The following HK1 variants were observed in gnomAD, a reference collection of about 807,000 sequenced individuals.
The protein encoded by HK1 is hexokinase-1.
HK1 carries 28 observed loss-of-function variants against 91.6 expected under a neutral mutation model. That is an observed-to-expected ratio of 0.31 (90% CI 0.23 to 0.42). HK1 has a LOEUF of 0.42. Ranked by LOEUF, HK1 falls within the 10% of genes least tolerant of loss-of-function variation. The probability of loss-of-function intolerance (pLI) is 1.00; values close to 1 mark genes in which losing one functional copy is unlikely to be tolerated. For synonymous variants in HK1, 430 were observed against 468.1 expected (o/e 0.92, Z 1.05); for missense variants, 770 against 1,219.8 (o/e 0.63, Z 5.49).
chr10:69,329,112 C>G (rs941658844), intron 1 of HK1, among the ~76,000 whole-genome samples: 2 of 151,758 alleles, frequency 1.3e-5, no homozygotes, highest in Non-Finnish European at 2.9e-5. Flanking sequence ...TAATGCTGCT[C>G]TGAACATTTG....
At chr10:69,334,126 T>C (rs1240314365) in intron 1 of HK1, among the ~76,000 whole-genome samples, 2 of 151,712 alleles carry the variant, frequency 1.3e-5, no homozygotes, top group Non-Finnish European at 2.9e-5. Context: ...AAGAAAAAAA[T>C]GGGGATCCCA....
chr10:69,270,261 C>T (rs912748332), intron 1 of HK1, among the ~76,000 whole-genome samples: 1 of 152,130 alleles, frequency 6.6e-6, no homozygotes, highest in Non-Finnish European at 1.5e-5. Flanking sequence ...CAGCCACGCG[C>T]CACTGCACCC....
chr10:69,391,683 T>C lies in HK1; in HGVS notation c.2036-442T>C, dbSNP rs116327499. Among the ~76,000 whole-genome samples, 490 of 152,302 alleles carry C rather than the reference T, an allele frequency of 3.2e-3. 3 individuals are homozygous for C. The highest frequency in any genetic ancestry group is 0.011 in the African/African-American group (453 of 41,570). On this transcript the variant is annotated intron_variant, in intron 14 of 17. Transcript: ENST00000359426. ...AAATAAGTGAATATCTATGGTATGATAGAAGATAATCCCCTAATATTTTAT... is the reference window on the plus strand; with the variant it reads ...AAATAAGTGAATATCTATGGTATGACAGAAGATAATCCCCTAATATTTTAT...
intron 5 of HK1, among the ~76,000 whole-genome samples, chr10:69,308,728 G>T (rs112105841): frequency 0.02 from 3,033 of 152,150 alleles, 108 homozygotes; most frequent in African/African-American, 0.069. Context: ...CTTTTTCTGA[G>T]TATAAAACAA....
intron 15 of HK1, among the ~76,000 whole-genome samples, chr10:69,393,211 C>T (rs4746850): frequency 0.17 from 25,728 of 152,094 alleles, 2,348 homozygotes; most frequent in Non-Finnish European, 0.2. Context: ...GAACTCCCGA[C>T]CTCAGGTGAT....
At chr10:69,348,789 A>G (rs1261755711) in intron 2 of HK1, among the ~76,000 whole-genome samples, 1 of 151,476 alleles carries the variant, frequency 6.6e-6, no homozygotes, top group Non-Finnish European at 1.5e-5. Context: ...CAGCCTGGGC[A>G]ACAGAAACTC....
At chr10:69,315,917 T>A (rs745713955), upstream of HK1, 2 of 1,609,734 alleles carry the variant, frequency 1.2e-6, no homozygotes. Context: ...GCATCCCAGG[T>A]TCCTGCCCTG....
intron 2 of HK1, among the ~76,000 whole-genome samples, chr10:69,287,170 G>A (rs1376754742): frequency 1.3e-5 from 2 of 152,196 alleles, no homozygotes; most frequent in Non-Finnish European, 2.9e-5. Flanking sequence ...TTGACTTACA[G>A]TTCAGCATGG....
At chr10:69,368,680 C>G in intron 5 of HK1, 49 bp downstream of exon 5, 1 of 1,443,858 alleles carries the variant, frequency 6.9e-7, no homozygotes, top group East Asian at 2.3e-5. Flanking sequence ...GTGTGGGGAG[C>G]AGGGCTGCAT....
intron 17 of HK1, 36 bp downstream of exon 17, chr10:69,398,864 G>C (rs1307113322): frequency 1.3e-6 from 2 of 1,518,842 alleles, no homozygotes; most frequent in Non-Finnish European, 1.8e-6. Context: ...CGCAGAGCTT[G>C]CTGGGATCCC....
chr10:69,318,870 C>T lies in HK1; in HGVS notation c.-78C>T. ...AGGAGGAGGAGCCGCCGAGCAGCCG[C>T]CGGAGGACCACGGCTCGCCAGGGCT... On this transcript the variant is annotated 5_prime_UTR_variant, in exon 1 of 18. Transcript: ENST00000359426. 1.3e-6 allele frequency: 2 copies of T among 1,513,582 alleles called. No individual in the cohort carries two copies. Among genetic ancestry groups the T allele is most frequent in the South Asian group, 1.2e-5 (1 of 80,400 alleles). The allele number at this position is 1,513,582 out of a possible 1,614,324, so 93.8% of individuals were successfully genotyped here.
intron 2 of HK1, among the ~76,000 whole-genome samples, chr10:69,345,627 G>C (rs1391068700): frequency 6.6e-6 from 1 of 152,120 alleles, no homozygotes; most frequent in East Asian, 1.9e-4. Context: ...AAGGCTACCT[G>C]ATCCCTGCGA....
chr10:69,362,997 G>T lies in HK1; in HGVS notation c.376-1786G>T, dbSNP rs909907793. ...AAGTCCGACTTTAGAGCTGGCTTGG[G>T]GGGGATCTGGGGAAAGATGGGAACA... is the stretch of plus-strand genomic sequence containing the variant. On this transcript the variant is annotated intron_variant, in intron 3 of 17. Transcript: ENST00000359426. Among the ~76,000 whole-genome samples, 5 of 152,210 alleles carry T rather than the reference G, an allele frequency of 3.3e-5. No homozygotes were observed. In the East Asian group the frequency reaches 9.6e-4, roughly 29 times the overall value.
chr10:69,297,949 G>C (rs1428781406), intron 4 of HK1, among the ~76,000 whole-genome samples: 3 of 145,648 alleles, frequency 2.1e-5, no homozygotes, highest in African/African-American at 5.2e-5. Flanking sequence ...GGTGGCTCAC[G>C]CCTGTAATCC....
intron 2 of HK1, among the ~76,000 whole-genome samples, chr10:69,288,314 C>G (rs559094544): frequency 5.9e-5 from 9 of 152,250 alleles, no homozygotes; most frequent in African/African-American, 2.2e-4. Context: ...GAATGACAGG[C>G]TGCCAGAAAC....
intron 1 of HK1, among the ~76,000 whole-genome samples, chr10:69,276,815 A>G (rs1400713059): frequency 6.7e-6 from 1 of 149,822 alleles, no homozygotes; most frequent in Non-Finnish European, 1.5e-5. Flanking sequence ...ATTACATATA[A>G]TAGGATATTT....
intron 10 of HK1, 56 bp from the exon 11 acceptor site, chr10:69,384,277 G>T: frequency 6.2e-7 from 1 of 1,608,458 alleles, no homozygotes; most frequent in Non-Finnish European, 8.5e-7. Flanking sequence ...GGGGTTACTG[G>T]CTGCCAAGAG....
At chr10:69,312,774 G>A (rs567364824), upstream of HK1, among the ~76,000 whole-genome samples, 3 of 152,284 alleles carry the variant, frequency 2.0e-5, no homozygotes, top group South Asian at 6.2e-4. Flanking sequence ...ACGGGAAGGG[G>A]AAGGGAAAAA....
At chr10:69,316,092 T>C (rs1589470919), upstream of HK1, 2 of 1,174,392 alleles carry the variant, frequency 1.7e-6, no homozygotes, top group East Asian at 4.7e-5. Context: ...CAGAGGTGAG[T>C]GGAGAAGGCA....
Sources: allele counts gnomAD v4.1 joint callset (sites outside exome capture counted in the v4.1 genomes callset), GRCh38; gene constraint gnomAD v4.1.1; transcripts MANE v1.5; gene names NCBI Gene and HGNC (gene_info 2026-07-23, HGNC 2026-07-21).